The following VWF variants were observed in gnomAD, a reference collection of about 807,000 sequenced individuals.
VWF encodes the protein von Willebrand factor, also known as Factor VIII related antigen.
In VWF, 176 loss-of-function variants were observed where a neutral mutation model predicts 308.6. The observed-to-expected ratio is 0.57, with a 90% CI of 0.50 to 0.65. The LOEUF is 0.65. VWF is among the 30% of genes least tolerant of loss of function. The pLI is 0.00. For synonymous variants in VWF, 1,385 were observed against 1,443.4 expected, an observed-to-expected ratio of 0.96 and a Z score of 0.92; for missense variants, 3,146 against 3,648.2, an observed-to-expected ratio of 0.86 and a Z score of 3.55.
At chr12:6,057,109 G>A in intron 14 of VWF, 37 bp from the exon 15 acceptor site, 1 of 1,507,336 alleles carries the variant, frequency 6.6e-7, no homozygotes, top group Non-Finnish European at 8.9e-7. Flanking sequence ...GATGTGGTGG[G>A]GAGGAGTGGG....
chr12:6,092,628 T>TGAGAGTGAGAGTGAGAGAGAGAGAGA (rs1565386731), intron 6 of VWF, among the ~76,000 whole-genome samples: 3 of 80,192 alleles, frequency 3.7e-5, no homozygotes, highest in African/African-American at 2.3e-4. Flanking sequence ...AGTGTGTGTG[T>TGAGAGTGAGAGTGAGAGAGAGAGAGA]GTGTGTGTGT....
intron 34 of VWF, among the ~76,000 whole-genome samples, chr12:6,001,303 A>G (rs1217035024): frequency 1.3e-5 from 2 of 152,204 alleles, no homozygotes; most frequent in Admixed American, 1.3e-4. Context: ...CAAGATGGCA[A>G]TAAATGAGAA....
At chr12:6,031,673 C>T (rs1944265382) in intron 20 of VWF, 95 bp from the exon 21 acceptor site, 5 of 1,590,808 alleles carry the variant, frequency 3.1e-6, no homozygotes, top group Admixed American at 1.7e-5. Context: ...CCTTTGAGTA[C>T]GTGTCACAGG....
intron 16 of VWF, among the ~76,000 whole-genome samples, chr12:6,049,478 C>A (rs1457589443): frequency 2.6e-5 from 4 of 152,220 alleles, no homozygotes; most frequent in East Asian, 1.9e-4. Flanking sequence ...TTGCTGCCCT[C>A]CCAAGTCATA....
chr12:6,008,303 A>G (rs536445337), intron 34 of VWF, among the ~76,000 whole-genome samples: 1 of 152,208 alleles, frequency 6.6e-6, no homozygotes, highest in Admixed American at 6.5e-5. Context: ...TAAACAGCAC[A>G]ATCAAAGGAT....
At chr12:5,965,260 C>T (rs1296782150) in intron 47 of VWF, among the ~76,000 whole-genome samples, 1 of 152,200 alleles carries the variant, frequency 6.6e-6, no homozygotes, top group Non-Finnish European at 1.5e-5. Context: ...CTGCTTTCCT[C>T]ACACAGTTGT....
rs1013726030 is a variant in VWF at position 6,063,514 on chromosome 12, G to A, written c.1433-460C>T. Among the ~76,000 whole-genome samples the A allele has an allele frequency of 1.3e-5, 2 of 152,168 alleles. No individual in the cohort carries two copies. The highest frequency in any genetic ancestry group is 2.9e-5 in the Non-Finnish European group (2 of 68,026). ...TTCTGTGGGAAGGTGGCGACAGATAGGAGCACACCCCTTGCCCTGGGGGAA... is the reference window on the plus strand; with the variant it reads ...TTCTGTGGGAAGGTGGCGACAGATAAGAGCACACCCCTTGCCCTGGGGGAA... On this transcript the variant is annotated intron_variant, in intron 12 of 51. Coordinates refer to ENST00000261405, the MANE Select transcript of VWF (RefSeq NM_000552.5). The surrounding 1 kb of genome is among the most constrained non-coding windows in gnomAD (Gnocchi z 4.9).
In VWF at chr12:6,056,879, C is replaced by A; in HGVS notation, c.1923G>T (p.Ala641=). 6.7e-7 allele frequency: 1 copy of A among 1,481,638 alleles called. No individual in the cohort carries two copies. Among genetic ancestry groups the A allele is most frequent in the Non-Finnish European group, 8.9e-7 (1 of 1,125,434 alleles). The allele number at this position is 1,481,638 out of a possible 1,614,324, so 91.8% of individuals were successfully genotyped here. A position where few individuals can be genotyped will look rare whatever the true frequency, so the allele number is the denominator to read the frequency against. Reference sequence around the variant, plus strand: ...CACCACAGCGGCCTGGCTCGCGCCACGCGACGCGCACGCCTCTCCCCGCGC... The same window carrying A: ...CACCACAGCGGCCTGGCTCGCGCCAAGCGACGCGCACGCCTCTCCCCGCGC... ...AACAGRGVRV[A]WREPGRCELN... is the part of the protein sequence containing the mutation. The change falls in exon 15 of 52, where the codon GCG becomes GCT. Residue 641 remains alanine, a synonymous_variant. Coordinates refer to ENST00000261405, the MANE Select transcript of VWF (RefSeq NM_000552.5).
intron 34 of VWF, among the ~76,000 whole-genome samples, chr12:5,998,391 G>A (rs1486718290): frequency 2.8e-5 from 4 of 144,898 alleles, no homozygotes; most frequent in Admixed American, 6.9e-5. Context: ...CCAGCTACTC[G>A]GGAGGCTGAG....
intron 31 of VWF, among the ~76,000 whole-genome samples, chr12:6,015,661 C>G (rs1488561868): frequency 6.6e-6 from 1 of 152,018 alleles, no homozygotes; most frequent in African/African-American, 2.4e-5. Flanking sequence ...TCCATCAACC[C>G]TGCCAAGCCC....
chr12:6,065,410 A>G, intron 10 of VWF, 137 bp from the exon 11 acceptor site: 2 of 1,169,506 alleles, frequency 1.7e-6, no homozygotes, highest in African/African-American at 3.1e-5. Context: ...CCAGTCTAAA[A>G]ACAAGTTCTA....
chr12:5,957,530 G>A (rs1943264812), intron 47 of VWF, among the ~76,000 whole-genome samples: 1 of 151,888 alleles, frequency 6.6e-6, no homozygotes, highest in Admixed American at 6.6e-5. Context: ...ATAGAAGGGG[G>A]GAAATGCATA....
intron 10 of VWF, 131 bp downstream of exon 10, chr12:6,071,166 T>A (rs980966073): frequency 9.4e-7 from 1 of 1,058,790 alleles, no homozygotes; most frequent in Non-Finnish European, 1.4e-6. Context: ...GGTCACGTGG[T>A]TGCAGCCAAC....
chr12:6,072,290 C>T (rs1369879300), intron 9 of VWF, 41 bp downstream of exon 9: 2 of 1,594,228 alleles, frequency 1.3e-6, no homozygotes, highest in South Asian at 1.1e-5. Flanking sequence ...CCCCAGTCCC[C>T]CAGGCAGGTC....
intron 34 of VWF, among the ~76,000 whole-genome samples, chr12:6,004,725 GAT>G (rs1491492498): frequency 6.6e-6 from 1 of 151,004 alleles, no homozygotes; most frequent in East Asian, 1.9e-4. Flanking sequence ...GTTATATATA[GAT>G]ATATAGATGT....
intron 37 of VWF, 103 bp from the exon 38 acceptor site, chr12:5,992,121 C>A: frequency 8.9e-7 from 1 of 1,118,310 alleles, no homozygotes; most frequent in Non-Finnish European, 1.3e-6. Flanking sequence ...CTTGCCAGGG[C>A]AGAGACGGCT....
chr12:5,992,036 G>A lies in VWF; in HGVS notation c.6599-18C>T, dbSNP rs771598802. 1.2e-6 allele frequency: 2 copies of A among 1,612,964 alleles called. No homozygotes were observed. Among genetic ancestry groups the A allele is most frequent in the African/African-American group, 2.7e-5 (2 of 74,912 alleles). ...TGACATAGCTGTAGACAGAGAAGGA[G>A]GTCACTTGCAAAGGCCCACACCAGC... is the stretch of plus-strand genomic sequence containing the variant. On this transcript the variant is annotated intron_variant, in intron 37 of 51. Coordinates refer to ENST00000261405, the MANE Select transcript of VWF (RefSeq NM_000552.5).
At position 6,018,805 on chromosome 12, in the gene VWF, G is replaced by A. The variant is rs377512022; in HGVS notation, c.4613C>T (p.Thr1538Met). 186 of 1,613,890 alleles carry A rather than the reference G, an allele frequency of 1.2e-4. No individual in the cohort carries two copies. Among genetic ancestry groups the A allele is most frequent in the Non-Finnish European group, 1.5e-4 (176 of 1,179,872 alleles). ...CACCATGTAGGAGTACTGCAGCACC[G>A]TGACGTGGATGCTGTCCTGGCCCAC... is the stretch of plus-strand genomic sequence containing the variant. ...MDVGQDSIHV[T>M]VLQYSYMVTV... is the part of the protein sequence containing the mutation. Residue 1538 changes from threonine to methionine, a missense_variant, in exon 28 of 52, where the codon ACG becomes ATG. Physicochemically the swap from Thr to Met is moderately conservative, Grantham distance 81 (BLOSUM62 -1). Transcript: ENST00000261405.
intron 45 of VWF, 22 bp downstream of exon 45, chr12:5,969,189 A>C: frequency 6.2e-7 from 1 of 1,603,908 alleles, no homozygotes; most frequent in Non-Finnish European, 8.5e-7. Context: ...GGTCCAGCCC[A>C]GCCCCAGCCT....
Sources: allele counts gnomAD v4.1 joint callset (sites outside exome capture counted in the v4.1 genomes callset), GRCh38; gene constraint gnomAD v4.1.1; non-coding constraint Gnocchi (gnomAD v3.1); transcripts MANE v1.5; gene names NCBI Gene and HGNC (gene_info 2026-07-23, HGNC 2026-07-21).